The following STK32B variants were observed in gnomAD, a reference collection of about 807,000 sequenced individuals.
STK32B encodes the protein serine/threonine-protein kinase 32B.
A neutral mutation model predicts 52.6 loss-of-function variants in STK32B; 43 were observed. That is an observed-to-expected ratio of 0.82 (90% CI 0.64 to 1.05). The LOEUF is 1.05. STK32B is among the 50% of genes least tolerant of loss of function. The pLI, the probability that STK32B is intolerant of heterozygous loss-of-function variation, is 0.00. For synonymous variants in STK32B, 238 were observed against 204.3 expected (o/e 1.17, Z -1.41); for missense variants, 621 against 534.6 (o/e 1.16, Z -1.59).
At chr4:5,266,853 G>T (rs1011068348) in intron 3 of STK32B, among the ~76,000 whole-genome samples, 1 of 152,110 alleles carries the variant, frequency 6.6e-6, no homozygotes, top group Non-Finnish European at 1.5e-5. Flanking sequence ...GTAGGGAAAT[G>T]CCTGGTCAAC....
At position 5,334,491 on chromosome 4, in the gene STK32B, C is replaced by G. The variant is rs149446733; in HGVS notation, c.434+3098C>G. 3.8e-3 allele frequency among the ~76,000 whole-genome samples: 582 copies of G among 152,278 alleles called. 1 individual carries two copies. Among genetic ancestry groups the G allele is most frequent in the Non-Finnish European group, 5.5e-3 (376 of 68,022 alleles). On this transcript the variant is annotated intron_variant, in intron 4 of 11. Coordinates refer to ENST00000282908, the MANE Select transcript of STK32B (RefSeq NM_018401.3). ...TATTTCCTTCTCCTGCCTAATTGCC[C>G]TGGCCAGAACTTCCAACACTATGTT...
intron 11 of STK32B, among the ~76,000 whole-genome samples, chr4:5,480,667 G>A (rs1718616651): frequency 6.6e-6 from 1 of 151,754 alleles, no homozygotes; most frequent in Non-Finnish European, 1.5e-5. Context: ...GTGCCATGTT[G>A]GTGTGCTGCA....
intron 3 of STK32B, among the ~76,000 whole-genome samples, chr4:5,315,675 T>C (rs1211938209): frequency 8.1e-6 from 1 of 123,858 alleles, no homozygotes; most frequent in Non-Finnish European, 1.5e-5. Flanking sequence ...TTTTTCTTTT[T>C]CTTTTTCTTT....
intron 3 of STK32B, among the ~76,000 whole-genome samples, chr4:5,191,215 A>G (rs921142930): frequency 6.7e-6 from 1 of 150,336 alleles, no homozygotes; most frequent in African/African-American, 2.4e-5. Flanking sequence ...AATGGGGTTG[A>G]GTTTGTGGAC....
At chr4:5,166,078 G>A (rs1718847334) in intron 2 of STK32B, among the ~76,000 whole-genome samples, 1 of 152,118 alleles carries the variant, frequency 6.6e-6, no homozygotes, top group Non-Finnish European at 1.5e-5. Flanking sequence ...CCATCGTCCT[G>A]TATCTGCCTT....
At chr4:5,080,320 A>G (rs1221711415) in intron 1 of STK32B, among the ~76,000 whole-genome samples, 2 of 151,980 alleles carry the variant, frequency 1.3e-5, no homozygotes, top group Non-Finnish European at 2.9e-5. Context: ...CTTTGATCTC[A>G]TTGTCTGCTG....
chr4:5,184,789 T>C (rs1183932337), intron 3 of STK32B, among the ~76,000 whole-genome samples: 4 of 151,878 alleles, frequency 2.6e-5, no homozygotes, highest in Middle Eastern at 3.2e-3. Flanking sequence ...ATTATCAAAA[T>C]GTGACAGAGA....
At chr4:5,254,965 A>AATATATATATAT (rs146017036) in intron 3 of STK32B, among the ~76,000 whole-genome samples, 24 of 144,406 alleles carry the variant, frequency 1.7e-4, no homozygotes, top group African/African-American at 5.4e-4. Context: ...ATCATTCACT[A>AATATATATATAT]ATATATATAT....
intron 3 of STK32B, among the ~76,000 whole-genome samples, chr4:5,179,581 T>C (rs1041703927): frequency 6.6e-6 from 1 of 152,150 alleles, no homozygotes; most frequent in African/African-American, 2.4e-5. Context: ...AGATGATTAA[T>C]AAATAGATGA....
chr4:5,342,446 A>G (rs1733149201), intron 4 of STK32B, among the ~76,000 whole-genome samples: 1 of 152,204 alleles, frequency 6.6e-6, no homozygotes, highest in African/African-American at 2.4e-5. Context: ...AAACTATCGC[A>G]AGGATAGAAA....
intron 3 of STK32B, among the ~76,000 whole-genome samples, chr4:5,185,961 C>T (rs1392345737): frequency 6.6e-6 from 1 of 152,196 alleles, no homozygotes; most frequent in Non-Finnish European, 1.5e-5. Context: ...CTACTGTTCT[C>T]ATCTCTCCAG....
the STK32B span, among the ~76,000 whole-genome samples, chr4:5,041,744 A>T: frequency 1.1e-4 from 16 of 152,252 alleles, no homozygotes; most frequent in South Asian, 2.9e-3. Flanking sequence ...ATGACTTTCA[A>T]CAACAGAACT....
intron 5 of STK32B, among the ~76,000 whole-genome samples, chr4:5,412,102 T>C (rs1711738907): frequency 1.3e-5 from 2 of 152,172 alleles, no homozygotes; most frequent in East Asian, 3.9e-4. Flanking sequence ...AAAGAAGAGA[T>C]GCATGTCTGG....
chr4:5,145,536 C>A (rs1716845605), intron 2 of STK32B, among the ~76,000 whole-genome samples: 1 of 152,162 alleles, frequency 6.6e-6, no homozygotes, highest in Non-Finnish European at 1.5e-5. Flanking sequence ...CTACTCCATC[C>A]ATTATAGATT....
intron 11 of STK32B, among the ~76,000 whole-genome samples, chr4:5,493,742 T>C (rs955305815): frequency 3.9e-5 from 6 of 152,224 alleles, no homozygotes; most frequent in African/African-American, 1.4e-4. Context: ...CTCTACACAC[T>C]GCTTTGAATG....
intron 6 of STK32B, among the ~76,000 whole-genome samples, chr4:5,438,876 A>G (rs168988): frequency 0.99 from 149,690 of 151,780 alleles, 73,824 homozygotes; most frequent in Middle Eastern, 0.99. Flanking sequence ...TCTTGGGATA[A>G]TTTACTGAGA....
intron 7 of STK32B, among the ~76,000 whole-genome samples, chr4:5,451,766 A>G (rs1716021313): frequency 6.6e-6 from 1 of 152,216 alleles, no homozygotes; most frequent in African/African-American, 2.4e-5. Flanking sequence ...ACAATCCAAA[A>G]TGACTCCAAA....
At chr4:5,047,864 A>G (rs1741648636), upstream of STK32B, among the ~76,000 whole-genome samples, 1 of 152,194 alleles carries the variant, frequency 6.6e-6, no homozygotes, top group Non-Finnish European at 1.5e-5. Flanking sequence ...GTCTTTGCAA[A>G]TGGTTAAAGA....
At chr4:5,266,604 T>G (rs1727071341) in intron 3 of STK32B, among the ~76,000 whole-genome samples, 1 of 152,198 alleles carries the variant, frequency 6.6e-6, no homozygotes, top group African/African-American at 2.4e-5. Context: ...ATCTGCAGTT[T>G]TCTGAATCAA....
Sources: allele counts gnomAD v4.1 joint callset (sites outside exome capture counted in the v4.1 genomes callset), GRCh38; gene constraint gnomAD v4.1.1; transcripts MANE v1.5; gene names NCBI Gene and HGNC (gene_info 2026-07-23, HGNC 2026-07-21).